COL1A2: variants seen among roughly 807,000 people sequenced by gnomAD.
COL1A2 encodes the protein collagen alpha-2(I) chain.
A neutral mutation model predicts 174.3 loss-of-function variants in COL1A2; 49 were observed. The ratio of observed to expected loss-of-function variants is 0.28; its 90% CI spans 0.22 to 0.36. COL1A2 has a LOEUF of 0.36. Among genes scored for constraint, COL1A2 ranks in the 10% least tolerant of loss-of-function variants. The pLI, the probability that COL1A2 is intolerant of heterozygous loss-of-function variation, is 1.00. For synonymous variants in COL1A2, 655 were observed against 606.6 expected, an observed-to-expected ratio of 1.08 and a Z score of -1.17; for missense variants, 1,438 against 1,822.7, an observed-to-expected ratio of 0.79 and a Z score of 3.84.
At chr7:94,420,718 C>A in intron 37 of COL1A2, 70 bp downstream of exon 37, 1 of 1,344,956 alleles carries the variant, frequency 7.4e-7, no homozygotes, top group South Asian at 1.2e-5. Flanking sequence ...ATATATCCGT[C>A]AAGTGCCTGC....
At chr7:94,405,442 T>C (rs974543132) in intron 10 of COL1A2, among the ~76,000 whole-genome samples, 190 bp downstream of exon 10, 21 of 152,188 alleles carry the variant, frequency 1.4e-4, no homozygotes, top group African/African-American at 5.1e-4. Context: ...AATAATGGAA[T>C]ATAAATGACA....
Position 94,429,254 on chromosome 7 carries a change from C to T in COL1A2, c.3778C>T (p.Leu1260=). The change falls in exon 51 of 52, where the codon CTG becomes TTG. Residue 1260 remains leucine, a synonymous_variant. Transcript: ENST00000297268. ...MATQLAFMRL[L]ANYASQNITY... is the part of the protein sequence containing the mutation. ...TACCCAACTTGCCTTCATGCGCCTG[C>T]TGGCCAACTATGCCTCTCAGAACAT... The T allele has an allele frequency of 6.2e-7, 1 of 1,613,914 alleles. No homozygotes were observed. The highest frequency in any genetic ancestry group is 1.1e-5 in the South Asian group (1 of 91,072).
rs60833112 is a variant in COL1A2 at position 94,396,314 on chromosome 7, T to TTGTGTGTGTG, written c.70+1233_70+1242dup. ...CATAATTTCTAATGCATTTGTGTGC[T>TTGTGTGTGTG]TGTGTGTGTGTGTGTGTGTGTGTGT... On this transcript the variant is annotated intron_variant, in intron 1 of 51. Transcript: ENST00000297268. Among the ~76,000 whole-genome samples the TTGTGTGTGTG allele has an allele frequency of 2.3e-3, 341 of 149,740 alleles. 3 individuals are homozygous for TTGTGTGTGTG. The highest frequency in any genetic ancestry group is 6.8e-3 in the Middle Eastern group (2 of 292).
chr7:94,425,293 A>G, intron 42 of COL1A2, 69 bp downstream of exon 42: 2 of 1,413,894 alleles, frequency 1.4e-6, no homozygotes, highest in African/African-American at 1.4e-5. Context: ...TTATGTCCTG[A>G]GCTGAGGTTC....
At position 94,409,704 on chromosome 7, in the gene COL1A2, A is replaced by T; in HGVS notation, c.937-19A>T. 6.2e-7 allele frequency: 1 copy of T among 1,613,948 alleles called. No homozygotes were observed. On this transcript the variant is annotated intron_variant, in intron 18 of 51. Coordinates refer to ENST00000297268, the MANE Select transcript of COL1A2 (RefSeq NM_000089.4). ...GCCCATCACCTCCCTAATGGACCAC[A>T]CTGCATTTTCCTTCACAGGGCCTTC...
At chr7:94,408,115 G>A in intron 13 of COL1A2, 68 bp from the exon 14 acceptor site, 1 of 1,535,720 alleles carries the variant, frequency 6.5e-7, no homozygotes, top group Admixed American at 1.8e-5. Context: ...ACTGAACAAA[G>A]CAAATGATGC....
chr7:94,429,331 C>T lies in COL1A2; in HGVS notation c.3855C>T (p.Asn1285=). 1 of 1,614,030 alleles carries T rather than the reference C, an allele frequency of 6.2e-7. No individual in the cohort carries two copies. The highest frequency in any genetic ancestry group is 8.5e-7 in the Non-Finnish European group (1 of 1,179,996). ...SIAYMDEETG[N]LKKAVILQGS... ...CATACATGGATGAGGAGACTGGCAA[C>T]CTGAAAAAGGCTGTCATTCTACAGG... is the stretch of plus-strand genomic sequence containing the variant. Residue 1285 remains asparagine (N), a synonymous_variant, in exon 51 of 52, where the codon AAC becomes AAT. Coordinates refer to ENST00000297268, the MANE Select transcript of COL1A2 (RefSeq NM_000089.4).
At chr7:94,403,312 G>A (rs1277972343) in intron 6 of COL1A2, among the ~76,000 whole-genome samples, 2 of 152,106 alleles carry the variant, frequency 1.3e-5, no homozygotes, top group Non-Finnish European at 1.5e-5. Flanking sequence ...ACAGATATCT[G>A]TTTCACAAAT....
In COL1A2 at chr7:94,423,004, G is replaced by A; in HGVS notation, c.2451G>A (p.Gly817=). 1.9e-6 allele frequency: 3 copies of A among 1,614,104 alleles called. No homozygotes were observed. Among genetic ancestry groups the A allele is most frequent in the Non-Finnish European group, 2.5e-6 (3 of 1,180,010 alleles). Reference sequence around the variant, plus strand: ...CCCCTGGTCCTGCTGGGAAAGAAGGGCTTCGTGGTCCTCGTGGTGACCAAG... The same window carrying A: ...CCCCTGGTCCTGCTGGGAAAGAAGGACTTCGTGGTCCTCGTGGTGACCAAG... ...PGPPGPAGKE[G]LRGPRGDQGP... The change falls in exon 40 of 52, where the codon GGG becomes GGA. Residue 817 remains glycine, a synonymous_variant. Transcript: ENST00000297268.
At chr7:94,423,339 T>C (rs970391445) in intron 40 of COL1A2, 15 of 580,086 alleles carry the variant, frequency 2.6e-5, no homozygotes, top group Non-Finnish European at 3.0e-5. Context: ...GGGAACTCAG[T>C]TTTATCACAA....
rs1562909409 is a variant in COL1A2 at position 94,430,414 on chromosome 7, A to G, written c.*21A>G. The G allele has an allele frequency of 6.2e-7, 1 of 1,609,766 alleles. No individual in the cohort carries two copies. The highest frequency in any genetic ancestry group is 1.3e-5 in the African/African-American group (1 of 74,842). ...AATAAATGAACTCAATCTAAATTAA[A>G]AAAGAAAGAAATTTGAAAAAACTTT... On this transcript the variant is annotated 3_prime_UTR_variant, in exon 52 of 52. Transcript: ENST00000297268.
chr7:94,427,153 C>T (rs1389155206), intron 47 of COL1A2, 35 bp from the exon 48 acceptor site: 1 of 1,610,544 alleles, frequency 6.2e-7, no homozygotes, highest in East Asian at 2.2e-5. Flanking sequence ...GTGGGATTCA[C>T]CAGCTCACAT....
chr7:94,429,911 C>T, intron 51 of COL1A2: 1 of 337,256 alleles, frequency 3.0e-6, no homozygotes, highest in South Asian at 4.1e-5. Context: ...GACTACATAC[C>T]CACCCAGGTC....
At chr7:94,396,540 C>T (rs1392917951) in intron 1 of COL1A2, among the ~76,000 whole-genome samples, 1 of 152,120 alleles carries the variant, frequency 6.6e-6, no homozygotes, top group Non-Finnish European at 1.5e-5. Context: ...ACAAAGGCAA[C>T]TTACCTTCTG....
Position 94,420,424 on chromosome 7 carries a change from A to G in COL1A2, c.2167A>G (p.Asn723Asp), listed in dbSNP as rs774948442. 2 of 1,614,050 alleles carry G rather than the reference A, an allele frequency of 1.2e-6. No homozygotes were observed. The highest frequency in any genetic ancestry group is 1.7e-6 in the Non-Finnish European group (2 of 1,179,978). The change falls in exon 36 of 52, where the codon AAT becomes GAT. Residue 723 changes from asparagine to aspartate, a missense_variant. Around this residue, in one of 3 missense-constraint regions of COL1A2, gnomAD observed 867 missense variants for 1,213.7 expected, o/e 0.71. Transcript: ENST00000297268. ...ERGEVGPAGP[N>D]GFAGPAGAAG... is the part of the protein sequence containing the mutation. ...TGGTGAGGTCGGTCCTGCTGGCCCC[A>G]ATGGATTTGCTGGTCCTGCTGTGAG...
intron 17 of COL1A2, 48 bp from the exon 18 acceptor site, chr7:94,409,516 G>T (rs760464744): frequency 1.2e-6 from 2 of 1,613,238 alleles, no homozygotes; most frequent in East Asian, 2.2e-5. Context: ...AAGAAGAACC[G>T]AAATATTCCA....
In COL1A2 at chr7:94,428,418, A is replaced by G; in HGVS notation, c.3652A>G (p.Arg1218Gly). The change falls in exon 50 of 52, where the codon AGG becomes GGG. Residue 1218 changes from arginine (R) to glycine (G), a missense_variant. By Grantham distance (125) the Arg-to-Gly change is moderately radical (BLOSUM62 -2). Transcript: ENST00000297268. ...PENIPAKNWY[R>G]SSKDKKHVWL... ...AAACATCCCAGCCAAGAACTGGTAT[A>G]GGAGCTCCAAGGACAAGAAACACGT... 6.2e-7 allele frequency: 1 copy of G among 1,614,136 alleles called. No individual in the cohort carries two copies. The highest frequency in any genetic ancestry group is 1.1e-5 in the South Asian group (1 of 91,082).
At chr7:94,408,431 T>A in intron 15 of COL1A2, 51 bp downstream of exon 15, 1 of 1,568,730 alleles carries the variant, frequency 6.4e-7, no homozygotes, top group Non-Finnish European at 8.8e-7. Flanking sequence ...GTGGGGTGGG[T>A]GCTGTCTTCT....
chr7:94,417,966 C>A, intron 32 of COL1A2, 135 bp downstream of exon 32: 1 of 736,842 alleles, frequency 1.4e-6, no homozygotes, highest in Non-Finnish European at 2.4e-6. Flanking sequence ...TTTCCCTCTG[C>A]CACCTAGCAC....
Sources: gnomAD v4.1 joint callset for allele counts (sites outside exome capture counted in the v4.1 genomes callset) on GRCh38, gnomAD v4.1.1 for gene constraint, gnomAD v4.1.1 regional missense constraint, MANE v1.5 for transcripts, NCBI Gene and HGNC (gene_info 2026-07-23, HGNC 2026-07-21) for gene names.